CSMD1: variants seen among roughly 807,000 people sequenced by gnomAD.
CSMD1 encodes CUB and Sushi multiple domains 1.
CSMD1 carries 213 observed loss-of-function variants against 417.5 expected under a neutral mutation model. That is an observed-to-expected ratio of 0.51 (90% CI 0.46 to 0.57). The LOEUF is 0.57. CSMD1 is among the 20% of genes least tolerant of loss of function. The pLI, the probability that CSMD1 is intolerant of heterozygous loss-of-function variation, is 0.00. For synonymous variants in CSMD1, 2,862 were observed against 1,736.8 expected (o/e 1.65, Z -16.11); for missense variants, 6,923 against 4,529.7 (o/e 1.53, Z -15.17).
At chr8:3,988,924 G>C (rs1040646016) in intron 5 of CSMD1, among the ~76,000 whole-genome samples, 4 of 152,166 alleles carry the variant, frequency 2.6e-5, no homozygotes, top group African/African-American at 9.7e-5. Context: ...GTTGAGTGGA[G>C]AAGTTAACAG....
chr8:4,854,869 G>C (rs964796579), intron 1 of CSMD1, among the ~76,000 whole-genome samples: 1 of 152,196 alleles, frequency 6.6e-6, no homozygotes, highest in African/African-American at 2.4e-5. Flanking sequence ...GCTTGCTTAG[G>C]TAAACAAAGC....
chr8:4,529,423 A>T (rs1350341027), intron 2 of CSMD1, among the ~76,000 whole-genome samples: 1 of 152,218 alleles, frequency 6.6e-6, no homozygotes, highest in Non-Finnish European at 1.5e-5. Context: ...TCTGAAAAAA[A>T]TTACTTTCCT....
intron 3 of CSMD1, among the ~76,000 whole-genome samples, chr8:4,139,648 G>A (rs961736179): frequency 2.6e-5 from 4 of 151,198 alleles, no homozygotes; most frequent in Admixed American, 1.3e-4. Flanking sequence ...ACCAGCAGAT[G>A]CAAGGGCAAA....
intron 3 of CSMD1, among the ~76,000 whole-genome samples, chr8:4,160,482 G>C (rs187919302): frequency 6.6e-6 from 1 of 152,256 alleles, no homozygotes; most frequent in African/African-American, 2.4e-5. Flanking sequence ...GTCTTCATGA[G>C]GTCCGAACAT....
chr8:3,404,598 C>G (rs1812236070), intron 15 of CSMD1, among the ~76,000 whole-genome samples: 2 of 152,030 alleles, frequency 1.3e-5, no homozygotes, highest in South Asian at 4.1e-4. Flanking sequence ...AACATATATT[C>G]CTGTTCTATT....
intron 3 of CSMD1, among the ~76,000 whole-genome samples, chr8:4,159,570 C>T (rs1470714431): frequency 9.9e-5 from 15 of 152,106 alleles, no homozygotes; most frequent in South Asian, 4.1e-4. Context: ...TTCACAGCAA[C>T]CTGGATGGGA....
chr8:2,987,887 G>A (rs1223165411), intron 54 of CSMD1, among the ~76,000 whole-genome samples: 1 of 152,132 alleles, frequency 6.6e-6, no homozygotes, highest in Non-Finnish European at 1.5e-5. Context: ...TCACATCACT[G>A]CAATTGGTTC....
At chr8:4,350,989 C>G (rs1801060525) in intron 3 of CSMD1, among the ~76,000 whole-genome samples, 1 of 152,126 alleles carries the variant, frequency 6.6e-6, no homozygotes, top group African/African-American at 2.4e-5. Flanking sequence ...AATTTTGCCT[C>G]TCTGCTTAAT....
chr8:4,300,848 T>TA (rs1435399223), intron 3 of CSMD1, among the ~76,000 whole-genome samples: 1 of 152,212 alleles, frequency 6.6e-6, no homozygotes, highest in Non-Finnish European at 1.5e-5. Flanking sequence ...TCCATGTCCC[T>TA]ACAAAGGACA....
intron 7 of CSMD1, among the ~76,000 whole-genome samples, chr8:3,673,904 G>C (rs534089230): frequency 6.6e-6 from 1 of 152,262 alleles, no homozygotes; most frequent in South Asian, 2.1e-4. Context: ...GAATGCTTGA[G>C]CTCAGCAGTT....
intron 3 of CSMD1, among the ~76,000 whole-genome samples, chr8:4,089,138 C>A (rs1307531246): frequency 6.6e-6 from 1 of 152,188 alleles, no homozygotes; most frequent in Non-Finnish European, 1.5e-5. Context: ...CAGTGCTTAA[C>A]AAAACATTGC....
intron 18 of CSMD1, among the ~76,000 whole-genome samples, chr8:3,374,352 A>G (rs968356637): frequency 6.6e-6 from 1 of 152,184 alleles, no homozygotes; most frequent in South Asian, 2.1e-4. Context: ...TAAGAAACAT[A>G]CTAATGTTTT....
intron 5 of CSMD1, among the ~76,000 whole-genome samples, chr8:3,990,887 G>A (rs1237579237): frequency 2.6e-5 from 4 of 152,148 alleles, no homozygotes; most frequent in Admixed American, 6.5e-5. Context: ...CTTTGCTCCT[G>A]GAGGTCCATT....
intron 12 of CSMD1, among the ~76,000 whole-genome samples, chr8:3,463,774 T>C (rs1365862611): frequency 6.6e-6 from 1 of 152,168 alleles, no homozygotes; most frequent in Non-Finnish European, 1.5e-5. Flanking sequence ...CAAGATTACA[T>C]AACATCAATG....
At chr8:4,436,370 A>G (rs1798149749) in intron 2 of CSMD1, among the ~76,000 whole-genome samples, 2 of 152,156 alleles carry the variant, frequency 1.3e-5, no homozygotes, top group Non-Finnish European at 2.9e-5. Context: ...TGCCTGATTT[A>G]TACATCAAAC....
intron 25 of CSMD1, among the ~76,000 whole-genome samples, chr8:3,307,204 G>T (rs948939898): frequency 6.6e-6 from 1 of 152,084 alleles, no homozygotes; most frequent in African/African-American, 2.4e-5. Context: ...TGTAATGTAA[G>T]CACAAGTTGG....
intron 5 of CSMD1, among the ~76,000 whole-genome samples, chr8:3,760,577 C>A (rs1256766171): frequency 6.6e-6 from 1 of 152,236 alleles, no homozygotes; most frequent in East Asian, 1.9e-4. Flanking sequence ...ATTGTTCTAA[C>A]ATTTTACAGC....
chr8:4,651,138 G>A (rs961411852), intron 1 of CSMD1, among the ~76,000 whole-genome samples: 2 of 152,038 alleles, frequency 1.3e-5, no homozygotes, highest in Admixed American at 6.6e-5. Context: ...GCTAAAATGA[G>A]TACTATAGTT....
At chr8:4,842,834 C>T (rs939562662) in intron 1 of CSMD1, among the ~76,000 whole-genome samples, 1 of 152,160 alleles carries the variant, frequency 6.6e-6, no homozygotes, top group Admixed American at 6.5e-5. Flanking sequence ...CTCAAAGTAG[C>T]GTAGCTGTTA....
Sources: allele counts gnomAD v4.1 joint callset (sites outside exome capture counted in the v4.1 genomes callset), GRCh38; gene constraint gnomAD v4.1.1; transcripts MANE v1.5; gene names NCBI Gene and HGNC (gene_info 2026-07-23, HGNC 2026-07-21).